Variants in ABHD2 observed in about 807,000 individuals in gnomAD.
ABHD2 encodes monoacylglycerol lipase ABHD2.
Under a neutral mutation model 48.1 loss-of-function variants are expected in ABHD2, and 20 were observed. The observed-to-expected ratio is 0.42, with a 90% CI of 0.29 to 0.60. The LOEUF (loss-of-function observed/expected upper bound fraction) is 0.60. Among genes scored for constraint, ABHD2 ranks in the 20% least tolerant of loss-of-function variants. ABHD2 has a pLI of 0.24. For synonymous variants in ABHD2, 209 were observed against 214.2 expected (o/e 0.98, Z 0.21); for missense variants, 405 against 550.9 (o/e 0.74, Z 2.65).
chr15:89,133,290 G>T (rs2050249216), intron 3 of ABHD2, among the ~76,000 whole-genome samples: 2 of 152,176 alleles, frequency 1.3e-5, no homozygotes, highest in Admixed American at 1.3e-4. Context: ...TGTTTAACCA[G>T]TCTCCTAGAT....
chr15:89,201,241 A>C lies in ABHD2; in HGVS notation c.*5818A>C. ...TTAAACCTTCATCTCTCAGGTGTTG[A>C]TTTGCTTCTGATAGCTTCATCATTT... On this transcript the variant is annotated 3_prime_UTR_variant, in exon 11 of 11. Transcript: ENST00000352732. 1 of 1,348,504 alleles carries C rather than the reference A, an allele frequency of 7.4e-7. No homozygotes were observed. Among genetic ancestry groups the C allele is most frequent in the East Asian group, 2.3e-5 (1 of 43,598 alleles). The allele number at this position is 1,348,504 out of a possible 1,614,324, so 83.5% of individuals were successfully genotyped here.
chr15:89,163,705 C>T (rs2150908795), intron 5 of ABHD2, among the ~76,000 whole-genome samples: 1 of 152,258 alleles, frequency 6.6e-6, no homozygotes, highest in Non-Finnish European at 1.5e-5. Context: ...AAGACATTTT[C>T]CCCACTTTGG....
chr15:89,181,668 G>A (rs2051117447), intron 6 of ABHD2, among the ~76,000 whole-genome samples: 1 of 152,166 alleles, frequency 6.6e-6, no homozygotes, highest in Non-Finnish European at 1.5e-5. Context: ...TTTGAGCCAG[G>A]AGATCTGAAT....
intron 1 of ABHD2, among the ~76,000 whole-genome samples, chr15:89,111,948 T>C (rs2049882026): frequency 6.6e-6 from 1 of 152,012 alleles, no homozygotes; most frequent in Non-Finnish European, 1.5e-5. Flanking sequence ...TATTTATATA[T>C]ATATATATTG....
chr15:89,130,269 G>A (rs566784375), intron 3 of ABHD2, among the ~76,000 whole-genome samples: 37 of 152,210 alleles, frequency 2.4e-4, no homozygotes, highest in African/African-American at 8.4e-4. Context: ...TTATTTCAAT[G>A]GGCAGGAGGG....
Position 89,195,417 on chromosome 15 carries a change from G to T in ABHD2, c.1272G>T (p.Leu424=). The T allele has an allele frequency of 6.2e-7, 1 of 1,613,250 alleles. No homozygotes were observed. The highest frequency in any genetic ancestry group is 8.5e-7 in the Non-Finnish European group (1 of 1,179,834). The change falls in exon 11 of 11, where the codon CTG becomes CTT. Residue 424 remains leucine (L), a synonymous_variant. Transcript: ENST00000352732. The surrounding 1 kb of genome is among the most constrained non-coding windows in gnomAD (Gnocchi z 5.1). ...ACACGGAGCAGGTGGAGGCCGACCTGGAGTGAGGCCTCCGGACTCTGGCAC... is the reference window on the plus strand; with the variant it reads ...ACACGGAGCAGGTGGAGGCCGACCTTGAGTGAGGCCTCCGGACTCTGGCAC... ...CSDTEQVEAD[L]E is the part of the protein sequence containing the mutation.
chr15:89,142,107 G>A (rs2050412543), intron 3 of ABHD2, among the ~76,000 whole-genome samples: 1 of 152,172 alleles, frequency 6.6e-6, no homozygotes, highest in Non-Finnish European at 1.5e-5. Flanking sequence ...CAAGGCCCCA[G>A]TTGAAGTCTC....
chr15:89,178,961 A>G (rs1007927327), intron 6 of ABHD2, among the ~76,000 whole-genome samples: 3 of 152,242 alleles, frequency 2.0e-5, no homozygotes, highest in African/African-American at 7.2e-5. Flanking sequence ...TAATAATAAA[A>G]CTAAAACAAA....
rs1173937965 is a variant in ABHD2, at chr15:89,177,315, A to G, written c.722+1320A>G. On this transcript the variant is annotated intron_variant, in intron 6 of 10. Coordinates refer to ENST00000352732, the MANE Select transcript of ABHD2 (RefSeq NM_152924.5). The surrounding 1 kb of genome is among the most constrained non-coding windows in gnomAD (Gnocchi z 5.6). ...ACTGTTCATTTTCATTATCGTCATC[A>G]TCGTCATTCACTGTAAAATGAAGGA... is the stretch of plus-strand genomic sequence containing the variant. Among the ~76,000 whole-genome samples, 2 of 152,232 alleles carry G rather than the reference A, an allele frequency of 1.3e-5. No homozygotes were observed. Among genetic ancestry groups the G allele is most frequent in the Non-Finnish European group, 2.9e-5 (2 of 68,040 alleles).
chr15:89,167,072 A>G lies in ABHD2; in HGVS notation c.539-8740A>G, dbSNP rs187793511. Among the ~76,000 whole-genome samples the G allele has an allele frequency of 2.0e-5, 3 of 152,312 alleles. No homozygotes were observed. The highest frequency in any genetic ancestry group is 7.2e-5 in the African/African-American group (3 of 41,558). On this transcript the variant is annotated intron_variant, in intron 5 of 10. Transcript: ENST00000352732. This position sits in a 1 kb window ranked among gnomAD's most constrained non-coding sequence, Gnocchi z 5.5. Reference sequence around the variant, plus strand: ...GAGAGACTAGGATGTAGGGTTACCTACCTTTAGCATGCTGTAGAGATCACC... The same window carrying G: ...GAGAGACTAGGATGTAGGGTTACCTGCCTTTAGCATGCTGTAGAGATCACC...
chr15:89,135,684 G>A lies in ABHD2; in HGVS notation c.195-15993G>A, dbSNP rs139558517. 644 of 1,500,876 alleles carry A rather than the reference G, an allele frequency of 4.3e-4. 1 individual carries two copies. The African/African-American group carries it at 5.7e-3, about 13-fold the overall frequency. The allele number at this position is 1,500,876 out of a possible 1,614,324, so 93.0% of individuals were successfully genotyped here. A position where few individuals can be genotyped will look rare whatever the true frequency, so the allele number is the denominator to read the frequency against. ...GCTGCAGCAGGCTTTCCTTTAGCCC[G>A]ATATGCAGCAATATCCTTTTCTTAC... On this transcript the variant is annotated intron_variant, in intron 3 of 10. Transcript: ENST00000352732.
chr15:89,044,188 G>C, the ABHD2 span, among the ~76,000 whole-genome samples: 1 of 152,076 alleles, frequency 6.6e-6, no homozygotes, highest in Non-Finnish European at 1.5e-5. Context: ...TTTACTGAGA[G>C]TGATGATTTC....
the ABHD2 span, among the ~76,000 whole-genome samples, chr15:89,071,702 T>C: frequency 1.8e-4 from 27 of 152,192 alleles, no homozygotes; most frequent in African/African-American, 6.0e-4. Context: ...AATCTCTGGG[T>C]TGGCCACTCC....
chr15:89,099,211 G>T (rs2049661314), intron 1 of ABHD2, among the ~76,000 whole-genome samples: 1 of 152,190 alleles, frequency 6.6e-6, no homozygotes, highest in Non-Finnish European at 1.5e-5. Flanking sequence ...GAGTAAATGA[G>T]GTAATGTATT....
rs1482297217 is a variant in ABHD2 at position 89,120,082 on chromosome 15, A to G, written c.194+3561A>G. 6.6e-6 allele frequency among the ~76,000 whole-genome samples: 1 copy of G among 152,214 alleles called. No individual in the cohort carries two copies. The highest frequency in any genetic ancestry group is 2.4e-5 in the African/African-American group (1 of 41,458). Reference sequence around the variant, plus strand: ...TCTTCTTACTGTTCTGGTATAGAAAAAAAGTTGATGAAAGGTGAACATCGA... The same window carrying G: ...TCTTCTTACTGTTCTGGTATAGAAAGAAAGTTGATGAAAGGTGAACATCGA... On this transcript the variant is annotated intron_variant, in intron 3 of 10. Coordinates refer to ENST00000352732, the MANE Select transcript of ABHD2 (RefSeq NM_152924.5). This position sits in a 1 kb window ranked among gnomAD's most constrained non-coding sequence, Gnocchi z 4.2.
rs1024522966 is a variant in ABHD2 at position 89,114,049 on chromosome 15, G to A, written c.-7+225G>A. Among the ~76,000 whole-genome samples the A allele has an allele frequency of 6.6e-6, 1 of 152,224 alleles. No individual in the cohort carries two copies. The highest frequency in any genetic ancestry group is 1.5e-5 in the Non-Finnish European group (1 of 68,044). The stretch of plus-strand genomic sequence containing the variant: ...TCTGTATTACCAGCATATAGTCAGA[G>A]AATTTCTGGTGGATTTTAGTTTTGG... On this transcript the variant is annotated intron_variant, in intron 2 of 10. Coordinates refer to ENST00000352732, the MANE Select transcript of ABHD2 (RefSeq NM_152924.5). This position sits in a 1 kb window ranked among gnomAD's most constrained non-coding sequence, Gnocchi z 4.2.
intron 4 of ABHD2, among the ~76,000 whole-genome samples, chr15:89,154,961 A>G (rs2050647752): frequency 6.6e-6 from 1 of 152,226 alleles, no homozygotes; most frequent in South Asian, 2.1e-4. Flanking sequence ...TTATCTTCTC[A>G]TTCATTCATT....
intron 1 of ABHD2, among the ~76,000 whole-genome samples, chr15:89,111,943 A>T (rs1379861687): frequency 1.3e-5 from 2 of 151,232 alleles, no homozygotes; most frequent in Non-Finnish European, 2.9e-5. Context: ...TTTTTTATTT[A>T]TATATATATA....
intron 10 of ABHD2, among the ~76,000 whole-genome samples, chr15:89,193,975 T>C (rs934635587): frequency 6.7e-6 from 1 of 149,650 alleles, no homozygotes; most frequent in Non-Finnish European, 1.5e-5. Context: ...CCTGTAGTCC[T>C]AGCTACTCAG....
Sources: allele counts gnomAD v4.1 joint callset (sites outside exome capture counted in the v4.1 genomes callset), GRCh38; gene constraint gnomAD v4.1.1; non-coding constraint Gnocchi (gnomAD v3.1); transcripts MANE v1.5; gene names NCBI Gene and HGNC (gene_info 2026-07-23, HGNC 2026-07-21).